Variants in XKR5 observed in about 807,000 individuals in gnomAD.
XKR5 encodes XK-related protein 5.
Under a neutral mutation model 40.8 loss-of-function variants are expected in XKR5, and 46 were observed. The ratio of observed to expected loss-of-function variants is 1.13; its 90% CI spans 0.89 to 1.44. The LOEUF (loss-of-function observed/expected upper bound fraction) is 1.44, where lower values mean the gene tolerates loss of function less well. Ranked by LOEUF, XKR5 falls within the 40% of genes most tolerant of loss-of-function variation. XKR5 has a pLI of 0.00. For missense variants in XKR5, 1,169 were observed against 844.7 expected (o/e 1.38, Z -4.76); for synonymous variants, 466 against 356.1 (o/e 1.31, Z -3.48).
Position 6,808,648 on chromosome 8 carries a change from G to T in XKR5, c.*2550C>A, listed in dbSNP as rs758628994. 4 of 152,144 alleles carry T rather than the reference G, an allele frequency of 2.6e-5. No homozygotes were observed. Among genetic ancestry groups the T allele is most frequent in the Non-Finnish European group, 4.4e-5 (3 of 68,036 alleles). The allele number at this position is 152,144 out of a possible 1,614,324, so 9.4% of individuals were successfully genotyped here. A position where few individuals can be genotyped will look rare whatever the true frequency, so the allele number is the denominator to read the frequency against. On this transcript the variant is annotated 3_prime_UTR_variant, in exon 7 of 7. Transcript: ENST00000618742. ...GAAGCCATCTGAGAAGCCGATGTTG[G>T]TCCACAGGGCCTCGAACAGCAAGTA... is the stretch of plus-strand genomic sequence containing the variant.
At chr8:6,816,703 TTTTA>T (rs1392020998) in intron 5 of XKR5, among the ~76,000 whole-genome samples, 4 of 147,582 alleles carry the variant, frequency 2.7e-5, no homozygotes, top group Non-Finnish European at 3.0e-5. Flanking sequence ...AATAATTTAA[TTTTA>T]TTTAATTAAA....
chr8:6,828,034 A>T (rs935956830), intron 2 of XKR5, among the ~76,000 whole-genome samples: 1 of 152,082 alleles, frequency 6.6e-6, no homozygotes, highest in Non-Finnish European at 1.5e-5. Flanking sequence ...ATGCCACTGC[A>T]CTCCAGCCTG....
At chr8:6,821,535 G>A (rs577257093) in intron 5 of XKR5, among the ~76,000 whole-genome samples, 69 of 152,310 alleles carry the variant, frequency 4.5e-4, no homozygotes, top group Middle Eastern at 3.4e-3. Context: ...AAATGGAGTT[G>A]ATTAACAGAG....
rs777417557 is a variant in XKR5 at position 6,823,563 on chromosome 8, G to T, written c.595C>A (p.Leu199Met). The change falls in exon 4 of 7, where the codon CTG becomes ATG. Residue 199 changes from leucine to methionine, a missense_variant. Leu to Met is a conservative substitution (Grantham distance 15). Transcript: ENST00000618742. Reference sequence around the variant, plus strand: ...CAAAAGTGGTAGGCTTTGTAGAACAGAACCAGACTCAGCACGCGGGTTCCC... The same window carrying T: ...CAAAAGTGGTAGGCTTTGTAGAACATAACCAGACTCAGCACGCGGGTTCCC... ...MLGTRVLSLV[L>M]FYKAYHFWVF... 1.3e-6 allele frequency: 2 copies of T among 1,596,712 alleles called. No homozygotes were observed. Among genetic ancestry groups the T allele is most frequent in the South Asian group, 1.1e-5 (1 of 87,704 alleles).
chr8:6,834,931 C>A lies in XKR5; in HGVS notation c.58+505G>T, dbSNP rs542056939. On this transcript the variant is annotated intron_variant, in intron 1 of 6. Coordinates refer to ENST00000618742, the MANE Select transcript of XKR5 (RefSeq NM_207411.5). ...CCTACAGGGCCGCGTGGATGCGGAG[C>A]CCTGTCCCCCTCCCCCCGCCACCCC... 8.4e-4 allele frequency among the ~76,000 whole-genome samples: 128 copies of A among 152,280 alleles called. 1 individual carries two copies. Among genetic ancestry groups the A allele is most frequent in the African/African-American group, 3.0e-3 (124 of 41,566 alleles).
rs1048247995 is a variant in XKR5 at position 6,812,225 on chromosome 8, C to G, written c.1034G>C (p.Arg345Thr). Residue 345 changes from arginine to threonine, a missense_variant, in exon 7 of 7, where the codon AGA (arginine) becomes ACA (threonine). By Grantham distance (71) the Arg-to-Thr change is moderately conservative (BLOSUM62 -1). Coordinates refer to ENST00000618742, the MANE Select transcript of XKR5 (RefSeq NM_207411.5). Reference protein sequence around the residue: ...GIAGGDKTERRDSPRATDLAG... With the variant: ...GIAGGDKTERTDSPRATDLAG... The stretch of plus-strand genomic sequence containing the variant: ...TAGATCTGTGGCCCGGGGAGAATCT[C>G]TTCTCTCTGTTTTATCACCTCCTGC... 1 of 1,552,092 alleles carries G rather than the reference C, an allele frequency of 6.4e-7. No homozygotes were observed. The highest frequency in any genetic ancestry group is 1.2e-5 in the South Asian group (1 of 84,088).
intron 2 of XKR5, among the ~76,000 whole-genome samples, chr8:6,829,555 G>A (rs1030800121): frequency 6.6e-6 from 1 of 152,090 alleles, no homozygotes; most frequent in African/African-American, 2.4e-5. Flanking sequence ...TCATTCTGTT[G>A]CCTAGGTTGG....
chr8:6,834,094 C>T (rs1255570284), intron 1 of XKR5, among the ~76,000 whole-genome samples: 1 of 152,182 alleles, frequency 6.6e-6, no homozygotes. Flanking sequence ...ACTCCCTGGC[C>T]TGGAACTCTG....
In XKR5 at chr8:6,823,616, C is replaced by T. The variant is rs760367166; in HGVS notation, c.542G>A (p.Cys181Tyr). Residue 181 changes from cysteine (C) to tyrosine (Y), a missense_variant, in exon 4 of 7, where the codon TGC becomes TAC. Cys to Tyr is a radical substitution (Grantham distance 194, BLOSUM62 -2). Transcript: ENST00000618742. ...CATGCCCATCCTCCAGAGCTGCTGG[C>T]AGAAGAGGGCGGCCCATGGCATGGC... Reference protein sequence around the residue: ...HLAMPWAALFCQQLWRMGMLG... With the variant: ...HLAMPWAALFYQQLWRMGMLG... The T allele has an allele frequency of 6.3e-7, 1 of 1,594,628 alleles. No homozygotes were observed.
At chr8:6,827,566 G>C (rs751825748) in intron 2 of XKR5, among the ~76,000 whole-genome samples, 2 of 152,204 alleles carry the variant, frequency 1.3e-5, no homozygotes, top group Non-Finnish European at 2.9e-5. Flanking sequence ...ATCCTGGAGT[G>C]AACCCATTTC....
At position 6,818,822 on chromosome 8, in the gene XKR5, C is replaced by G. The variant is rs1804086504; in HGVS notation, c.808-2904G>C. On this transcript the variant is annotated intron_variant, in intron 5 of 6. Transcript: ENST00000618742. ...AGCCCCCAGCCCCTGCCAGACCGTT[C>G]CAGCAGAAACCTCTGAACCACTGCC... is the stretch of plus-strand genomic sequence containing the variant. Among the ~76,000 whole-genome samples, 5 of 152,218 alleles carry G rather than the reference C, an allele frequency of 3.3e-5. No homozygotes were observed. The South Asian group carries it at 6.2e-4, about 19-fold the overall frequency.
At chr8:6,823,782 G>T in intron 3 of XKR5, 52 bp from the exon 4 acceptor site, 7 of 1,440,384 alleles carry the variant, frequency 4.9e-6, no homozygotes, top group Non-Finnish European at 6.7e-6. Flanking sequence ...CGAAGTAACA[G>T]TACCTTGTGA....
chr8:6,812,024 A>C lies in XKR5; in HGVS notation c.1235T>G (p.Leu412Arg). Residue 412 changes from leucine (L) to arginine (R), a missense_variant, in exon 7 of 7, where the codon CTA becomes CGA. Transcript: ENST00000618742. ...HHHWLWVKLA[L>R]KTGNVSKINA... The stretch of plus-strand genomic sequence containing the variant: ...GATCTTAGACACATTTCCTGTTTTT[A>C]GGGCAAGTTTCACCCACAGCCAGTG... 1 of 1,537,654 alleles carries C rather than the reference A, an allele frequency of 6.5e-7. No individual in the cohort carries two copies. Among genetic ancestry groups the C allele is most frequent in the Non-Finnish European group, 8.7e-7 (1 of 1,146,922 alleles).
chr8:6,830,060 A>G (rs1804689484), intron 2 of XKR5, among the ~76,000 whole-genome samples: 1 of 151,346 alleles, frequency 6.6e-6, no homozygotes, highest in East Asian at 2.0e-4. Context: ...GATGGTCTGG[A>G]TCTCCTGACC....
In XKR5 at chr8:6,832,844, C is replaced by T. The variant is rs755806404; in HGVS notation, c.115G>A (p.Ala39Thr). ...TTGRLLWGWL[A>T]LAVLLPGFLV... ...AACCCGGGCAGGAGGACAGCAAGGG[C>T]CAGCCACCCCCACAGAAGCCGTCCT... is the stretch of plus-strand genomic sequence containing the variant. Residue 39 changes from alanine to threonine, a missense_variant, in exon 2 of 7, where the codon GCC becomes ACC. By Grantham distance (58) the Ala-to-Thr change is moderately conservative (BLOSUM62 0). Transcript: ENST00000618742. The T allele has an allele frequency of 1.9e-6, 3 of 1,610,938 alleles. No individual in the cohort carries two copies. The South Asian group carries it at 3.3e-5, about 18-fold the overall frequency.
Position 6,811,607 on chromosome 8 carries a change from G to A in XKR5, c.1652C>T (p.Ala551Val). 1 of 1,537,406 alleles carries A rather than the reference G, an allele frequency of 6.5e-7. No individual in the cohort carries two copies. The highest frequency in any genetic ancestry group is 1.4e-5 in the African/African-American group (1 of 73,164). The change falls in exon 7 of 7, where the codon GCC becomes GTC. Residue 551 changes from alanine (A) to valine (V), a missense_variant. Coordinates refer to ENST00000618742, the MANE Select transcript of XKR5 (RefSeq NM_207411.5). Reference sequence around the variant, plus strand: ...GCTGCCTTCTTGTTGTGAGGATGTGGCCACTTCTGCAGTGGCGCTGAAGTA... The same window carrying A: ...GCTGCCTTCTTGTTGTGAGGATGTGACCACTTCTGCAGTGGCGCTGAAGTA... ...TLYFSATAEV[A>V]TSSQQEGSPA...
At chr8:6,829,928 A>C (rs1006970271) in intron 2 of XKR5, among the ~76,000 whole-genome samples, 2 of 139,758 alleles carry the variant, frequency 1.4e-5, no homozygotes, top group Non-Finnish European at 3.0e-5. Flanking sequence ...AGTTCCGCCT[A>C]ACGGGTTCAT....
chr8:6,810,912 C>A lies in XKR5; in HGVS notation c.*286G>T, dbSNP rs375207360. ...ACAGCAAAAAGATAAAATAAGGGAA[C>A]CTACAGCTCATAAAAGGTAGCAGAC... On this transcript the variant is annotated 3_prime_UTR_variant, in exon 7 of 7. Coordinates refer to ENST00000618742, the MANE Select transcript of XKR5 (RefSeq NM_207411.5). 3.7e-4 allele frequency: 102 copies of A among 273,474 alleles called. No individual in the cohort carries two copies. The highest frequency in any genetic ancestry group is 7.5e-5 in the Non-Finnish European group (11 of 146,646). The allele number at this position is 273,474 out of a possible 1,614,324, so 16.9% of individuals were successfully genotyped here.
chr8:6,823,606 G>C lies in XKR5; in HGVS notation c.552C>G (p.Leu184=). The change falls in exon 4 of 7, where the codon CTC becomes CTG. Residue 184 remains leucine, a synonymous_variant. Transcript: ENST00000618742. ...MPWAALFCQQ[L]WRMGMLGTRV... Reference sequence around the variant, plus strand: ...GGGTTCCCAACATGCCCATCCTCCAGAGCTGCTGGCAGAAGAGGGCGGCCC... The same window carrying C: ...GGGTTCCCAACATGCCCATCCTCCACAGCTGCTGGCAGAAGAGGGCGGCCC... The C allele has an allele frequency of 6.3e-7, 1 of 1,596,352 alleles. No individual in the cohort carries two copies. Among genetic ancestry groups the C allele is most frequent in the Non-Finnish European group, 8.5e-7 (1 of 1,171,570 alleles).
Sources: allele counts gnomAD v4.1 joint callset (sites outside exome capture counted in the v4.1 genomes callset), GRCh38; gene constraint gnomAD v4.1.1; transcripts MANE v1.5; gene names NCBI Gene and HGNC (gene_info 2026-07-23, HGNC 2026-07-21).